Variants in ETV4 observed in about 807,000 individuals in gnomAD.
ETV4 encodes the protein ETS translocation variant 4.
A neutral mutation model predicts 65.9 loss-of-function variants in ETV4; 42 were observed. The observed-to-expected ratio is 0.64, with a 90% CI of 0.50 to 0.82. ETV4 has a LOEUF of 0.82. Ranked by LOEUF, ETV4 falls within the 40% of genes least tolerant of loss-of-function variation. The pLI, the probability that ETV4 is intolerant of heterozygous loss-of-function variation, is 0.00. For synonymous variants in ETV4, 238 were observed against 260.0 expected, an observed-to-expected ratio of 0.92 and a Z score of 0.81; for missense variants, 583 against 630.3, an observed-to-expected ratio of 0.92 and a Z score of 0.80.
At chr17:43,546,149 A>T (rs1971810709) in intron 1 of ETV4, 36 bp downstream of exon 1, 1 of 157,076 alleles carries the variant, frequency 6.4e-6, no homozygotes, top group African/African-American at 2.4e-5. Context: ...GGGGAATCAC[A>T]GACACTCTCC....
Position 43,529,579 on chromosome 17 carries a change from C to T in ETV4, c.1053G>A (p.Leu351=), listed in dbSNP as rs1970777334. ...TGAAATGGGCATTTGTTGGGTCATC[C>T]AGCAAGGCCACCAGAAATTGCCACA... ...LQLWQFLVAL[L]DDPTNAHFIA... The change falls in exon 11 of 13, where the codon CTG becomes CTA. Residue 351 remains leucine (L), a synonymous_variant. Coordinates refer to ENST00000319349, the MANE Select transcript of ETV4 (RefSeq NM_001079675.5). 3 of 1,614,112 alleles carry T rather than the reference C, an allele frequency of 1.9e-6. No individual in the cohort carries two copies. Among genetic ancestry groups the T allele is most frequent in the Non-Finnish European group, 2.5e-6 (3 of 1,180,026 alleles).
intron 8 of ETV4, chr17:43,530,528 C>A: frequency 1.1e-6 from 1 of 920,908 alleles, no homozygotes; most frequent in Non-Finnish European, 1.5e-6. Context: ...GGAAAGAGTT[C>A]GGTGTCCACG....
At chr17:43,534,190 G>A (rs1014689828) in intron 5 of ETV4, among the ~76,000 whole-genome samples, 2 of 152,172 alleles carry the variant, frequency 1.3e-5, no homozygotes, top group East Asian at 1.9e-4. Flanking sequence ...TCAGACTAGT[G>A]TCTGATTATT....
chr17:43,533,263 C>T lies in ETV4; in HGVS notation c.469G>A (p.Ala157Thr). The T allele has an allele frequency of 6.2e-7, 1 of 1,613,934 alleles. No homozygotes were observed. Among genetic ancestry groups the T allele is most frequent in the South Asian group, 1.1e-5 (1 of 91,068 alleles). The change falls in exon 7 of 13, where the codon GCA becomes ACA. Residue 157 changes from alanine (A) to threonine (T), a missense_variant. Coordinates refer to ENST00000319349, the MANE Select transcript of ETV4 (RefSeq NM_001079675.5). ...GQSPLQPFPRAEQRNFLRSSG... is the reference protein window; with the variant it reads ...GQSPLQPFPRTEQRNFLRSSG... The stretch of plus-strand genomic sequence containing the variant: ...GATCTCAGGAAATTCCGTTGCTCTG[C>T]CCGGGGAAAGGGCTGTAGGGGCGAC...
intron 4 of ETV4, 102 bp from the exon 5 acceptor site, chr17:43,536,581 C>T: frequency 2.0e-6 from 2 of 978,058 alleles, no homozygotes; most frequent in South Asian, 2.7e-5. Flanking sequence ...CAAGAAAGGA[C>T]CAACAGCCTT....
chr17:43,540,521 T>C (rs1971468813), intron 4 of ETV4, among the ~76,000 whole-genome samples: 1 of 152,096 alleles, frequency 6.6e-6, no homozygotes, highest in Non-Finnish European at 1.5e-5. Flanking sequence ...TCCCATTCCA[T>C]AGGACTGGGG....
chr17:43,545,400 C>A, intron 2 of ETV4, 33 bp from the exon 3 acceptor site: 1 of 1,531,928 alleles, frequency 6.5e-7, no homozygotes, highest in Non-Finnish European at 8.8e-7. Flanking sequence ...CCGCGAGTCA[C>A]CCTGAGGCGC....
At chr17:43,536,857 G>C (rs1225630908) in intron 4 of ETV4, among the ~76,000 whole-genome samples, 1 of 152,230 alleles carries the variant, frequency 6.6e-6, no homozygotes, top group African/African-American at 2.4e-5. Context: ...CCACCTCTGG[G>C]CTCCACTAAG....
Position 43,543,296 on chromosome 17 carries a change from T to TCTCTCTCTCTCTCTCTCTCTCTCTCTCA in ETV4, c.202+1678_202+1679insTGAGAGAGAGAGAGAGAGAGAGAGAGAG, listed in dbSNP as rs888736657. The stretch of plus-strand genomic sequence containing the variant: ...CACACACTCTCTCTCTCTCTCTCTC[T>TCTCTCTCTCTCTCTCTCTCTCTCTCTCA]CACACACACACTTGCTGTCACACCG... On this transcript the variant is annotated intron_variant, in intron 4 of 12. Coordinates refer to ENST00000319349, the MANE Select transcript of ETV4 (RefSeq NM_001079675.5). 4.9e-5 allele frequency among the ~76,000 whole-genome samples: 7 copies of TCTCTCTCTCTCTCTCTCTCTCTCTCTCA among 143,462 alleles called. No individual in the cohort carries two copies. In the South Asian group the frequency reaches 6.9e-4, roughly 14 times the overall value. 94.1% of individuals were successfully genotyped at this position (143,462 alleles called of 152,430 possible). A position where few individuals can be genotyped will look rare whatever the true frequency, so the allele number is the denominator to read the frequency against.
intron 5 of ETV4, among the ~76,000 whole-genome samples, chr17:43,536,070 C>A (rs1971228557): frequency 6.6e-6 from 1 of 152,188 alleles, no homozygotes; most frequent in African/African-American, 2.4e-5. Flanking sequence ...GAGATTGTGC[C>A]ACTGCACTCC....
chr17:43,528,435 A>G lies in ETV4; in HGVS notation c.*84T>C. The G allele has an allele frequency of 1.1e-6, 1 of 949,166 alleles. No homozygotes were observed. Among genetic ancestry groups the G allele is most frequent in the East Asian group, 2.6e-5 (1 of 38,134 alleles). The allele number at this position is 949,166 out of a possible 1,614,324, so 58.8% of individuals were successfully genotyped here. A position where few individuals can be genotyped will look rare whatever the true frequency, so the allele number is the denominator to read the frequency against. On this transcript the variant is annotated 3_prime_UTR_variant, in exon 13 of 13. Coordinates refer to ENST00000319349, the MANE Select transcript of ETV4 (RefSeq NM_001079675.5). ...TGCCCCAGAGACATCTGTGGGTTTCAGATGAAGGTTTCCCCAACACCAGAT... is the reference window on the plus strand; with the variant it reads ...TGCCCCAGAGACATCTGTGGGTTTCGGATGAAGGTTTCCCCAACACCAGAT...
At chr17:43,536,781 C>G (rs1314820924) in intron 4 of ETV4, among the ~76,000 whole-genome samples, 1 of 152,266 alleles carries the variant, frequency 6.6e-6, no homozygotes, top group Non-Finnish European at 1.5e-5. Context: ...AAGTGGCCCA[C>G]AGGCCCACGG....
intron 4 of ETV4, chr17:43,544,724 A>G (rs1443953695): frequency 1.5e-5 from 6 of 411,632 alleles, no homozygotes; most frequent in Admixed American, 3.7e-5. Context: ...ACCCCACACA[A>G]TGGTCTGATT....
Position 43,533,759 on chromosome 17 carries a change from T to C in ETV4, c.383+100A>G. On this transcript the variant is annotated intron_variant, in intron 6 of 12. Transcript: ENST00000319349. ...GTGCTAGAAAATCCTTTCTGTTGTCTAACTTGCATCTCAGCTGCTGCCTCT... is the reference window on the plus strand; with the variant it reads ...GTGCTAGAAAATCCTTTCTGTTGTCCAACTTGCATCTCAGCTGCTGCCTCT... 2.1e-6 allele frequency: 3 copies of C among 1,459,952 alleles called. No homozygotes were observed. The South Asian group carries it at 3.9e-5, about 19-fold the overall frequency. 90.4% of individuals were successfully genotyped at this position (1,459,952 alleles called of 1,614,324 possible).
chr17:43,529,955 T>C lies in ETV4; in HGVS notation c.887-3A>G, dbSNP rs776798056. ...CAGAGGTTTCTCATAGCCATAGCCT[T>C]GTGGAGGAAATTGGGGGTTGCTCAG... is the stretch of plus-strand genomic sequence containing the variant. On this transcript the variant is annotated splice_region_variant and splice_polypyrimidine_tract_variant and intron_variant, in intron 9 of 12. Transcript: ENST00000319349. The C allele has an allele frequency of 1.2e-6, 2 of 1,614,024 alleles. No individual in the cohort carries two copies. Among genetic ancestry groups the C allele is most frequent in the Admixed American group, 3.3e-5 (2 of 60,020 alleles).
In ETV4 at chr17:43,528,413, C is replaced by G; in HGVS notation, c.*106G>C. On this transcript the variant is annotated 3_prime_UTR_variant, in exon 13 of 13. Coordinates refer to ENST00000319349, the MANE Select transcript of ETV4 (RefSeq NM_001079675.5). ...AACTGGTAGGACAGTGGGGATCTGC[C>G]CCAGAGACATCTGTGGGTTTCAGAT... is the stretch of plus-strand genomic sequence containing the variant. 1.3e-6 allele frequency: 1 copy of G among 771,818 alleles called. No individual in the cohort carries two copies. The highest frequency in any genetic ancestry group is 2.1e-6 in the Non-Finnish European group (1 of 481,596). The allele number at this position is 771,818 out of a possible 1,614,324, so 47.8% of individuals were successfully genotyped here.
At chr17:43,531,675 A>C (rs1022312143) in intron 8 of ETV4, among the ~76,000 whole-genome samples, 1 of 152,066 alleles carries the variant, frequency 6.6e-6, no homozygotes, top group Non-Finnish European at 1.5e-5. Context: ...ATCTCAAAAC[A>C]AACAAACAGA....
At chr17:43,536,650 T>C (rs1278746900) in intron 4 of ETV4, among the ~76,000 whole-genome samples, 171 bp from the exon 5 acceptor site, 1 of 152,242 alleles carries the variant, frequency 6.6e-6, no homozygotes, top group Non-Finnish European at 1.5e-5. Context: ...AATACACAAA[T>C]ACACTAACAC....
At chr17:43,541,971 A>C (rs80339268) in intron 4 of ETV4, among the ~76,000 whole-genome samples, 2,369 of 152,282 alleles carry the variant, frequency 0.016, 62 homozygotes, top group African/African-American at 0.053. Context: ...TCAGGGATGC[A>C]CACACCCTAA....
Sources: allele counts gnomAD v4.1 joint callset (sites outside exome capture counted in the v4.1 genomes callset), GRCh38; gene constraint gnomAD v4.1.1; transcripts MANE v1.5; gene names NCBI Gene and HGNC (gene_info 2026-07-23, HGNC 2026-07-21).